The following NOP9 variants were observed in gnomAD, a reference collection of about 807,000 sequenced individuals.
NOP9 encodes the protein nucleolar protein 9.
In NOP9, 50 loss-of-function variants were observed where a neutral mutation model predicts 63.0. The ratio of observed to expected loss-of-function variants is 0.79; its 90% CI spans 0.63 to 1.00. NOP9 has a LOEUF of 1.00. Among genes scored for constraint, NOP9 ranks in the 50% least tolerant of loss-of-function variants. NOP9 has a pLI of 0.00. For missense variants in NOP9, 758 were observed against 803.0 expected (o/e 0.94, Z 0.68); for synonymous variants, 343 against 332.8 (o/e 1.03, Z -0.33).
Position 24,304,599 on chromosome 14 carries a change from G to C in NOP9, c.1753+1G>C. Reference sequence around the variant, plus strand: ...CGGAAGGAAATTGCTGCTGAGCTTGGTGAGTACCAGCCCCTCTCTTTGATG... The same window carrying C: ...CGGAAGGAAATTGCTGCTGAGCTTGCTGAGTACCAGCCCCTCTCTTTGATG... On this transcript the variant is annotated splice_donor_variant, in intron 9 of 9. Transcript: ENST00000267425. LOFTEE classifies it high-confidence loss of function. 1 of 1,601,860 alleles carries C rather than the reference G, an allele frequency of 6.2e-7. No homozygotes were observed. The highest frequency in any genetic ancestry group is 8.5e-7 in the Non-Finnish European group (1 of 1,172,348).
chr14:24,275,716 G>C, the NOP9 span, among the ~76,000 whole-genome samples: 1 of 152,258 alleles, frequency 6.6e-6, no homozygotes, highest in Non-Finnish European at 1.5e-5. Context: ...TAGAAGCCAT[G>C]GTCTGACGGC....
chr14:24,273,112 T>C, the NOP9 span, among the ~76,000 whole-genome samples: 1 of 152,192 alleles, frequency 6.6e-6, no homozygotes, highest in African/African-American at 2.4e-5. Context: ...TCTTTGCGAA[T>C]AGTGTGTCCA....
intron 6 of NOP9, among the ~76,000 whole-genome samples, chr14:24,303,516 C>T (rs1410831056): frequency 6.6e-5 from 10 of 152,002 alleles, no homozygotes; most frequent in Admixed American, 6.6e-4. Context: ...AAAATTGTCT[C>T]CCAGAACTAA....
rs1427271107 is a variant in NOP9 at position 24,304,487 on chromosome 14, A to G, written c.1648-6A>G. 1 of 1,601,796 alleles carries G rather than the reference A, an allele frequency of 6.2e-7. No homozygotes were observed. The highest frequency in any genetic ancestry group is 1.8e-5 in the Admixed American group (1 of 56,882). ...AGGGAGACCTACTTTGCTTGTCTCCATACAGGGACAATATGTGGCTCTGGC... is the reference window on the plus strand; with the variant it reads ...AGGGAGACCTACTTTGCTTGTCTCCGTACAGGGACAATATGTGGCTCTGGC... On this transcript the variant is annotated splice_region_variant and splice_polypyrimidine_tract_variant and intron_variant, in intron 8 of 9. Coordinates refer to ENST00000267425, the MANE Select transcript of NOP9 (RefSeq NM_174913.3).
upstream of NOP9, chr14:24,299,499 C>G: frequency 4.7e-6 from 1 of 213,498 alleles, no homozygotes. Context: ...CCGGCTGAGC[C>G]AGAGGCGCAG....
At position 24,307,588 on chromosome 14, in the gene NOP9, G is replaced by A; in HGVS notation, c.*2493G>A. ...GAGTGTAAAGGGCATGATGAGGGTA[G>A]AGTGGCTAGAGGGCTAGGGAGGGAG... On this transcript the variant is annotated 3_prime_UTR_variant, in exon 10 of 10. Coordinates refer to ENST00000267425, the MANE Select transcript of NOP9 (RefSeq NM_174913.3). 2 of 1,534,398 alleles carry A rather than the reference G, an allele frequency of 1.3e-6. No individual in the cohort carries two copies. The highest frequency in any genetic ancestry group is 3.5e-5 in the Admixed American group (2 of 56,916).
At position 24,308,003 on chromosome 14, in the gene NOP9, C is replaced by G. The variant is rs1268102974; in HGVS notation, c.*2908C>G. ...GAGTCAAGCCTGGACTCTGGCCCCC[C>G]TGCCTGGCCAGTAAGAAGGGCAAAG... On this transcript the variant is annotated 3_prime_UTR_variant, in exon 10 of 10. Coordinates refer to ENST00000267425, the MANE Select transcript of NOP9 (RefSeq NM_174913.3). 1 of 744,306 alleles carries G rather than the reference C, an allele frequency of 1.3e-6. No homozygotes were observed. Among genetic ancestry groups the G allele is most frequent in the East Asian group, 2.7e-5 (1 of 36,634 alleles). The allele number at this position is 744,306 out of a possible 1,614,324, so 46.1% of individuals were successfully genotyped here. A position where few individuals can be genotyped will look rare whatever the true frequency, so the allele number is the denominator to read the frequency against.
the NOP9 span, among the ~76,000 whole-genome samples, chr14:24,289,766 C>A: frequency 3.3e-5 from 5 of 152,204 alleles, no homozygotes; most frequent in Admixed American, 3.3e-4. Context: ...CAAGACACCA[C>A]ATGAAATCAC....
At chr14:24,304,425 C>T in intron 8 of NOP9, 68 bp from the exon 9 acceptor site, 1 of 1,428,276 alleles carries the variant, frequency 7.0e-7, no homozygotes, top group South Asian at 1.3e-5. Flanking sequence ...AAAATTCACT[C>T]TCCACAAGCC....
At position 24,306,424 on chromosome 14, in the gene NOP9, CA is replaced by C; in HGVS notation, c.*1330del. On this transcript the variant is annotated 3_prime_UTR_variant, in exon 10 of 10. Transcript: ENST00000267425. The stretch of plus-strand genomic sequence containing the variant: ...GACTGCAACACCATCAGGCACGTGT[CA>C]TCCTCCAGCAGCTGGAAGAAGTCCT... The C allele has an allele frequency of 6.2e-6, 10 of 1,614,266 alleles. No individual in the cohort carries two copies. Among genetic ancestry groups the C allele is most frequent in the Non-Finnish European group, 8.5e-6 (10 of 1,180,044 alleles).
rs766673184 is a variant in NOP9, at chr14:24,303,128, G to A, written c.1198G>A (p.Gly400Ser). ...SPVLEAVLAQ[G>S]HPGVVIALVG... ...TGTCTTGGAAGCTGTATTGGCCCAG[G>A]GCCACCCAGGGGTAGTCATTGCCCT... The change falls in exon 6 of 10, where the codon GGC becomes AGC. Residue 400 changes from glycine (G) to serine (S), a missense_variant. Physicochemically the swap from Gly to Ser is moderately conservative, Grantham distance 56. Coordinates refer to ENST00000267425, the MANE Select transcript of NOP9 (RefSeq NM_174913.3). The A allele has an allele frequency of 1.9e-6, 3 of 1,610,942 alleles. No individual in the cohort carries two copies. Among genetic ancestry groups the A allele is most frequent in the South Asian group, 2.2e-5 (2 of 90,686 alleles).
chr14:24,301,613 A>G lies in NOP9; in HGVS notation c.699A>G (p.Glu233=). Reference sequence around the variant, plus strand: ...CACATGTTCTTAATCTTCCTTCAGAAGCACAGAAGACCCCAGCTCAGGAAT... The same window carrying G: ...CACATGTTCTTAATCTTCCTTCAGAGGCACAGAAGACCCCAGCTCAGGAAT... The part of the protein sequence containing the change: ...RARPRGSQSS[E]AQKTPAQECK... Residue 233 remains glutamate (E), a splice_region_variant and synonymous_variant, in exon 3 of 10, where the codon GAA becomes GAG. Coordinates refer to ENST00000267425, the MANE Select transcript of NOP9 (RefSeq NM_174913.3). 6.2e-7 allele frequency: 1 copy of G among 1,614,168 alleles called. No homozygotes were observed. The highest frequency in any genetic ancestry group is 8.5e-7 in the Non-Finnish European group (1 of 1,179,994).
Position 24,306,250 on chromosome 14 carries a change from C to A in NOP9, c.*1155C>A. On this transcript the variant is annotated 3_prime_UTR_variant, in exon 10 of 10. Transcript: ENST00000267425. ...CTTGGACTTTCTGTCCACTGTGTGA[C>A]ATCCTTGACAATTCCACAACTCCTC... 6.6e-7 allele frequency: 1 copy of A among 1,524,402 alleles called. No homozygotes were observed. The highest frequency in any genetic ancestry group is 9.0e-7 in the Non-Finnish European group (1 of 1,110,712). 94.4% of individuals were successfully genotyped at this position (1,524,402 alleles called of 1,614,324 possible). A position where few individuals can be genotyped will look rare whatever the true frequency, so the allele number is the denominator to read the frequency against.
rs759732396 is a variant in NOP9, at chr14:24,307,390, C to T, written c.*2295C>T. ...ACTTACTTTGGCTAGCAGCTCCTGG[C>T]GGGTGGCAGCTGTCAGGCCTTTCCG... On this transcript the variant is annotated 3_prime_UTR_variant, in exon 10 of 10. Transcript: ENST00000267425. The T allele has an allele frequency of 7.4e-6, 12 of 1,613,392 alleles. No homozygotes were observed. Among genetic ancestry groups the T allele is most frequent in the East Asian group, 2.2e-5 (1 of 44,894 alleles).
the NOP9 span, among the ~76,000 whole-genome samples, chr14:24,287,327 G>T: frequency 4.6e-5 from 7 of 152,202 alleles, no homozygotes; most frequent in South Asian, 2.1e-4. Context: ...GCTGGTGGTA[G>T]TTTTGGTGGG....
the NOP9 span, among the ~76,000 whole-genome samples, chr14:24,283,064 A>T: frequency 9.2e-5 from 14 of 152,170 alleles, no homozygotes; most frequent in Non-Finnish European, 2.1e-4. Context: ...GACTTGACCA[A>T]CTCTAGATTG....
chr14:24,306,780 G>C lies in NOP9; in HGVS notation c.*1685G>C, dbSNP rs2041523434. 2 of 509,472 alleles carry C rather than the reference G, an allele frequency of 3.9e-6. No individual in the cohort carries two copies. The highest frequency in any genetic ancestry group is 6.5e-5 in the Admixed American group (2 of 30,994). 31.6% of individuals were successfully genotyped at this position (509,472 alleles called of 1,614,324 possible). On this transcript the variant is annotated 3_prime_UTR_variant, in exon 10 of 10. Coordinates refer to ENST00000267425, the MANE Select transcript of NOP9 (RefSeq NM_174913.3). ...CCTTGCTCCCCTCCAAGTCACTTCT[G>C]GTTTGGAATTGGAAAGCAAGCCAGG...
chr14:24,292,144 C>G, the NOP9 span: 1 of 1,612,624 alleles, frequency 6.2e-7, no homozygotes, highest in Non-Finnish European at 8.5e-7. Flanking sequence ...CAGAGGCCGA[C>G]TCCCCTGTTC....
chr14:24,296,681 C>G, upstream of NOP9: 5 of 1,613,428 alleles, frequency 3.1e-6, no homozygotes, highest in Non-Finnish European at 4.2e-6. Context: ...GATGAAGATG[C>G]AGGGGTCTGA....
Sources: allele counts gnomAD v4.1 joint callset (sites outside exome capture counted in the v4.1 genomes callset), GRCh38; gene constraint gnomAD v4.1.1; transcripts MANE v1.5; gene names NCBI Gene and HGNC (gene_info 2026-07-23, HGNC 2026-07-21).